ZNF461: variants seen among roughly 807,000 people sequenced by gnomAD.
ZNF461 encodes the protein zinc finger protein 461.
A neutral mutation model predicts 18.3 loss-of-function variants in ZNF461; 16 were observed. The observed-to-expected ratio is 0.88, with a 90% CI of 0.59 to 1.33. ZNF461 has a LOEUF of 1.33. Among genes scored for constraint, ZNF461 ranks in the 40% most tolerant of loss-of-function variants. ZNF461 has a pLI of 0.00. For missense variants in ZNF461, 595 were observed against 669.9 expected, an observed-to-expected ratio of 0.89 and a Z score of 1.23; for synonymous variants, 179 against 216.9, an observed-to-expected ratio of 0.83 and a Z score of 1.54.
At chr19:36,641,558 T>C (rs1326266397) in intron 5 of ZNF461, among the ~76,000 whole-genome samples, 1 of 149,012 alleles carries the variant, frequency 6.7e-6, no homozygotes, top group Non-Finnish European at 1.5e-5. Flanking sequence ...ATATATAATA[T>C]ATATATATGT....
intron 4 of ZNF461, among the ~76,000 whole-genome samples, chr19:36,649,615 G>C (rs2037590421): frequency 6.6e-6 from 1 of 152,126 alleles, no homozygotes; most frequent in Non-Finnish European, 1.5e-5. Context: ...ACAGGTGTGA[G>C]CCACTGCGCC....
At chr19:36,652,772 G>A (rs916051417) in intron 4 of ZNF461, among the ~76,000 whole-genome samples, 3 of 152,160 alleles carry the variant, frequency 2.0e-5, no homozygotes, top group African/African-American at 4.8e-5. Flanking sequence ...TTGTTCTTTC[G>A]CTCTTCACGA....
chr19:36,662,116 G>C (rs899159432), intron 2 of ZNF461, among the ~76,000 whole-genome samples: 2 of 152,028 alleles, frequency 1.3e-5, no homozygotes, highest in Non-Finnish European at 2.9e-5. Flanking sequence ...TGATCCGCCC[G>C]CTTCAGCCTC....
chr19:36,663,766 G>C (rs2037857099), intron 2 of ZNF461, among the ~76,000 whole-genome samples: 1 of 151,990 alleles, frequency 6.6e-6, no homozygotes, highest in Non-Finnish European at 1.5e-5. Context: ...CCAGACTCCA[G>C]CGATTCTCCC....
intron 3 of ZNF461, among the ~76,000 whole-genome samples, chr19:36,656,830 T>G (rs961672575): frequency 4.6e-5 from 7 of 151,926 alleles, no homozygotes; most frequent in African/African-American, 1.7e-4. Context: ...TTCTTTTTTT[T>G]TTTTTTGAGA....
intron 4 of ZNF461, among the ~76,000 whole-genome samples, chr19:36,653,804 A>G: frequency 6.6e-6 from 1 of 152,192 alleles, no homozygotes; most frequent in East Asian, 1.9e-4. Flanking sequence ...ACACAGCCAA[A>G]CAATATCACA....
At chr19:36,643,105 CAT>C (rs894002414) in intron 5 of ZNF461, among the ~76,000 whole-genome samples, 1 of 152,100 alleles carries the variant, frequency 6.6e-6, no homozygotes, top group Admixed American at 6.6e-5. Context: ...CACTCATACA[CAT>C]ACTTATTTAT....
In ZNF461 at chr19:36,638,481, C is replaced by T. The variant is rs1054188288; in HGVS notation, c.*172G>A. 1.1e-5 allele frequency: 6 copies of T among 523,396 alleles called. No individual in the cohort carries two copies. The highest frequency in any genetic ancestry group is 2.0e-5 in the Non-Finnish European group (6 of 305,804). 32.4% of individuals were successfully genotyped at this position (523,396 alleles called of 1,614,324 possible). ...CTCAATAATGGTTAATACAATAACT[C>T]AGAAACAGCATTAAAATGAGACCAA... On this transcript the variant is annotated 3_prime_UTR_variant, in exon 6 of 6. Transcript: ENST00000588268.
In ZNF461 at chr19:36,656,324, A is replaced by G. The variant is rs2037718548; in HGVS notation, c.232+124T>C. On this transcript the variant is annotated intron_variant, in intron 4 of 5. Coordinates refer to ENST00000588268, the MANE Select transcript of ZNF461 (RefSeq NM_153257.5). ...GCCAGTACCACACTGTTTGATTACTATATCTTTGTAATATGTTTTGAAATC... is the reference window on the plus strand; with the variant it reads ...GCCAGTACCACACTGTTTGATTACTGTATCTTTGTAATATGTTTTGAAATC... The G allele has an allele frequency of 1.1e-5, 9 of 805,984 alleles. No individual in the cohort carries two copies. The Admixed American group carries it at 1.2e-4, about 11-fold the overall frequency. The allele number at this position is 805,984 out of a possible 1,614,324, so 49.9% of individuals were successfully genotyped here.
At chr19:36,656,586 T>C (rs765009243) in intron 3 of ZNF461, 43 bp from the exon 4 acceptor site, 1 of 1,467,406 alleles carries the variant, frequency 6.8e-7, no homozygotes, top group Non-Finnish European at 9.5e-7. Context: ...GAAATGAATG[T>C]ATCCAAATAC....
chr19:36,662,658 TCC>T (rs775127752), intron 2 of ZNF461, among the ~76,000 whole-genome samples: 1 of 152,218 alleles, frequency 6.6e-6, no homozygotes, highest in Non-Finnish European at 1.5e-5. Flanking sequence ...TCCTCTTTGT[TCC>T]CATACTTATT....
chr19:36,665,051 C>CA (rs369458547), intron 1 of ZNF461, among the ~76,000 whole-genome samples: 55 of 152,052 alleles, frequency 3.6e-4, no homozygotes, highest in African/African-American at 1.3e-3. Context: ...CCCATTGTCC[C>CA]AATACTATGA....
intron 5 of ZNF461, 132 bp from the exon 6 acceptor site, chr19:36,640,175 G>A (rs567626568): frequency 4.1e-6 from 3 of 728,722 alleles, no homozygotes; most frequent in African/African-American, 1.8e-5. Context: ...TCTTAAATGG[G>A]TAAAGGAGCA....
rs1457904354 is a variant in ZNF461 at position 36,656,021 on chromosome 19, G to A, written c.232+427C>T. ...CTTTTTTTTTTTTTTTTTTTGAGAC[G>A]GAGTCTCGTTCTGTCGCCCAGGCGG... is the stretch of plus-strand genomic sequence containing the variant. On this transcript the variant is annotated intron_variant, in intron 4 of 5. Transcript: ENST00000588268. Among the ~76,000 whole-genome samples the A allele has an allele frequency of 3.7e-5, 5 of 134,786 alleles. No individual in the cohort carries two copies. In the South Asian group the frequency reaches 6.8e-4, roughly 18 times the overall value. The allele number at this position is 134,786 out of a possible 152,430, so 88.4% of individuals were successfully genotyped here. A position where few individuals can be genotyped will look rare whatever the true frequency, so the allele number is the denominator to read the frequency against.
Position 36,656,492 on chromosome 19 carries a change from T to G in ZNF461, c.188A>C (p.Glu63Ala). Residue 63 changes from glutamate (E) to alanine (A), a missense_variant, in exon 4 of 6, where the codon GAG (glutamate) becomes GCG (alanine). Physicochemically the swap from Glu to Ala is moderately radical, Grantham distance 107. Transcript: ENST00000588268. ...CTCTTCCCTCACAACCATCCAGGGCTCCTTCCCTTGCTCCAATGAGGAGAT... is the reference window on the plus strand; with the variant it reads ...CTCTTCCCTCACAACCATCCAGGGCGCCTTCCCTTGCTCCAATGAGGAGAT... Reference protein sequence around the residue: ...AVISSLEQGKEPWMVVREETG... With the variant: ...AVISSLEQGKAPWMVVREETG... 1 of 1,614,142 alleles carries G rather than the reference T, an allele frequency of 6.2e-7. No individual in the cohort carries two copies. The highest frequency in any genetic ancestry group is 2.2e-5 in the East Asian group (1 of 44,874).
intron 2 of ZNF461, 99 bp from the exon 3 acceptor site, chr19:36,658,524 G>T: frequency 8.1e-7 from 1 of 1,233,408 alleles, no homozygotes. Context: ...GAAGGAGACA[G>T]TCTACTGAAT....
intron 4 of ZNF461, among the ~76,000 whole-genome samples, chr19:36,654,097 C>T (rs2037675606): frequency 1.3e-5 from 2 of 152,080 alleles, no homozygotes; most frequent in Non-Finnish European, 2.9e-5. Context: ...CAGGACTCCC[C>T]TGTACATTTC....
chr19:36,656,351 G>T (rs891478589), intron 4 of ZNF461, 97 bp downstream of exon 4: 3 of 948,816 alleles, frequency 3.2e-6, no homozygotes, highest in Non-Finnish European at 5.2e-6. Flanking sequence ...TTTGAAATCA[G>T]GTTTTCCCAA....
In ZNF461 at chr19:36,639,496, A is replaced by G. The variant is rs144181720; in HGVS notation, c.849T>C (p.Asn283=). ...YECNECGKAF[N]YGSELTLHQR... ...GATGTAGAGTAAGTTCTGAGCCATA[A>G]TTAAAGGCCTTCCCACATTCGTTAC... is the stretch of plus-strand genomic sequence containing the variant. The change falls in exon 6 of 6, where the codon AAT becomes AAC. Residue 283 remains asparagine (N), a synonymous_variant. Transcript: ENST00000588268. 26 of 1,613,068 alleles carry G rather than the reference A, an allele frequency of 1.6e-5. No homozygotes were observed. The East Asian group carries it at 4.5e-4, about 28-fold the overall frequency.
Sources: allele counts gnomAD v4.1 joint callset (sites outside exome capture counted in the v4.1 genomes callset), GRCh38; gene constraint gnomAD v4.1.1; transcripts MANE v1.5; gene names NCBI Gene and HGNC (gene_info 2026-07-23, HGNC 2026-07-21).